MED12L: variants seen among roughly 807,000 people sequenced by gnomAD.
MED12L encodes the protein mediator complex subunit 12L.
Under a neutral mutation model 281.3 loss-of-function variants are expected in MED12L, and 60 were observed. The ratio of observed to expected loss-of-function variants is 0.21; its 90% CI spans 0.17 to 0.26. The LOEUF (loss-of-function observed/expected upper bound fraction) is 0.26, where lower values mean the gene tolerates loss of function less well. MED12L is among the 10% of genes least tolerant of loss of function. The probability of loss-of-function intolerance (pLI) is 1.00; values close to 1 mark genes in which losing one functional copy is unlikely to be tolerated. For synonymous variants in MED12L, 974 were observed against 987.2 expected (o/e 0.99, Z 0.25); for missense variants, 2,146 against 2,680.9 (o/e 0.80, Z 4.41).
intron 43 of MED12L, among the ~76,000 whole-genome samples, chr3:151,427,583 T>A (rs1342642799): frequency 6.6e-6 from 1 of 152,252 alleles, no homozygotes; most frequent in Non-Finnish European, 1.5e-5. Flanking sequence ...GTTGAGTGAA[T>A]AAATGTTGAC....
chr3:151,390,719 A>G (rs1055112117), intron 38 of MED12L, among the ~76,000 whole-genome samples: 3 of 152,216 alleles, frequency 2.0e-5, no homozygotes, highest in African/African-American at 7.2e-5. Flanking sequence ...TAGCATATTT[A>G]AATTATTTGA....
chr3:151,122,527 C>T (rs1275511939), intron 3 of MED12L, among the ~76,000 whole-genome samples: 11 of 152,170 alleles, frequency 7.2e-5, no homozygotes, highest in Admixed American at 7.2e-4. Context: ...TTAATTTCAT[C>T]TTAGCAGAGA....
At position 151,436,517 on chromosome 3, in the gene MED12L, G is replaced by C; in HGVS notation, c.*3713G>C. 1 of 520,126 alleles carries C rather than the reference G, an allele frequency of 1.9e-6. No homozygotes were observed. The allele number at this position is 520,126 out of a possible 1,614,324, so 32.2% of individuals were successfully genotyped here. On this transcript the variant is annotated 3_prime_UTR_variant, in exon 45 of 45. Coordinates refer to ENST00000687756, the MANE Select transcript of MED12L (RefSeq NM_001393769.1). ...GTTTTGAGATCCATTAAATAAATCAGTATCATCAGTTCATAATGCATTTAT... is the reference window on the plus strand; with the variant it reads ...GTTTTGAGATCCATTAAATAAATCACTATCATCAGTTCATAATGCATTTAT...
At position 151,387,922 on chromosome 3, in the gene MED12L, G is replaced by C; in HGVS notation, c.5201G>C (p.Arg1734Thr). Residue 1734 changes from arginine (R) to threonine (T), a missense_variant, in exon 37 of 45, where the codon AGA (arginine) becomes ACA (threonine). Transcript: ENST00000687756. ...AWFGTVRVDR[R>T]VIKYEEQHHL... ...TTTGGGACAGTCCGAGTGGACCGAAGAGTGATCAAGTACGAGGAGCAGCAT... is the reference window on the plus strand; with the variant it reads ...TTTGGGACAGTCCGAGTGGACCGAACAGTGATCAAGTACGAGGAGCAGCAT... 1 of 1,614,062 alleles carries C rather than the reference G, an allele frequency of 6.2e-7. No individual in the cohort carries two copies.
intron 16 of MED12L, chr3:151,219,599 G>A (rs912549386): frequency 2.0e-5 from 3 of 152,136 alleles, no homozygotes; most frequent in African/African-American, 7.2e-5. Context: ...CCCAGTGAGC[G>A]TTTGTCGTCT....
intron 16 of MED12L, chr3:151,328,674 A>G: frequency 6.2e-7 from 1 of 1,613,886 alleles, no homozygotes; most frequent in Non-Finnish European, 8.5e-7. Context: ...ATGCCCACAT[A>G]CATGGTCTCA....
intron 16 of MED12L, chr3:151,328,980 C>T (rs772423641): frequency 2.3e-5 from 37 of 1,605,270 alleles, no homozygotes; most frequent in Non-Finnish European, 4.3e-6. Flanking sequence ...CCTTGCATCA[C>T]TGTGGTGTTC....
chr3:151,365,246 G>A (rs2107914407), intron 22 of MED12L, 40 bp downstream of exon 22: 5 of 1,523,126 alleles, frequency 3.3e-6, no homozygotes, highest in Admixed American at 1.7e-5. Flanking sequence ...TAACCAAAGA[G>A]TTGTTGCCTT....
rs200959282 is a variant in MED12L at position 151,413,204 on chromosome 3, C to G, written c.6206C>G (p.Ser2069Cys). The change falls in exon 42 of 45, where the codon TCT (serine) becomes TGT (cysteine). Residue 2069 changes from serine (S) to cysteine (C), a missense_variant. Transcript: ENST00000687756. ...VGGGIDAVLT[S>C]AHPNLPSVPL... ...GGGGGAATTGATGCTGTGCTGACTT[C>G]TGCACATCCAAACCTTCCCTCCGTG... 6.2e-7 allele frequency: 1 copy of G among 1,614,210 alleles called. No individual in the cohort carries two copies. Among genetic ancestry groups the G allele is most frequent in the East Asian group, 2.2e-5 (1 of 44,880 alleles).
chr3:151,174,753 T>C (rs754260599), intron 11 of MED12L, among the ~76,000 whole-genome samples: 2 of 152,324 alleles, frequency 1.3e-5, no homozygotes, highest in East Asian at 3.9e-4. Flanking sequence ...GGTCTTGCTC[T>C]GTTGCCCAGG....
intron 2 of MED12L, among the ~76,000 whole-genome samples, chr3:151,113,294 GGCTGGTGTGTTT>G (rs1275088948): frequency 6.6e-5 from 10 of 152,194 alleles, no homozygotes; most frequent in Non-Finnish European, 1.2e-4. Flanking sequence ...GAGAATGCTG[GGCTGGTGTGTTT>G]GAGAAATTGC....
chr3:151,234,085 T>A (rs1732257416), intron 16 of MED12L, among the ~76,000 whole-genome samples: 1 of 152,208 alleles, frequency 6.6e-6, no homozygotes, highest in Non-Finnish European at 1.5e-5. Context: ...TTTAGGTGTA[T>A]GCCCTAGAAA....
chr3:151,295,345 G>A, intron 16 of MED12L: 2 of 624,336 alleles, frequency 3.2e-6, no homozygotes, highest in Non-Finnish European at 5.6e-6. Context: ...ACAGAGTCAA[G>A]GTAGCACATT....
At chr3:151,338,095 G>A in intron 16 of MED12L, 1 of 1,613,958 alleles carries the variant, frequency 6.2e-7, no homozygotes, top group Non-Finnish European at 8.5e-7. Context: ...AAATGGAAAG[G>A]AACAAAACAA....
intron 2 of MED12L, among the ~76,000 whole-genome samples, chr3:151,109,040 C>T (rs1358774075): frequency 6.6e-6 from 1 of 151,602 alleles, no homozygotes; most frequent in African/African-American, 2.4e-5. Context: ...TTGGAGGTTA[C>T]CCGAAGTATC....
At chr3:151,263,197 C>G (rs996870847) in intron 16 of MED12L, among the ~76,000 whole-genome samples, 1 of 152,072 alleles carries the variant, frequency 6.6e-6, no homozygotes, top group Non-Finnish European at 1.5e-5. Context: ...TGGCCCAGCA[C>G]CCTTTAGTGA....
chr3:151,322,349 G>A (rs2149827969), intron 16 of MED12L, among the ~76,000 whole-genome samples: 1 of 151,882 alleles, frequency 6.6e-6, no homozygotes, highest in African/African-American at 2.4e-5. Context: ...CCAGGCCCAG[G>A]TAATTTTTTT....
intron 41 of MED12L, among the ~76,000 whole-genome samples, chr3:151,412,172 C>CA (rs567984144): frequency 1.1e-4 from 16 of 152,204 alleles, no homozygotes; most frequent in Non-Finnish European, 2.1e-4. Flanking sequence ...CAGTGGTAGC[C>CA]AAATGTGGCC....
chr3:151,261,404 A>G lies in MED12L; in HGVS notation c.2250+67738A>G, dbSNP rs566952533. ...TAGCCTACCTGGAATTGTGGAGGGT[A>G]AGAGGGATGGTGGCCATGGCTTGCT... On this transcript the variant is annotated intron_variant, in intron 16 of 44. Transcript: ENST00000687756. 10 of 152,260 alleles carry G rather than the reference A, an allele frequency of 6.6e-5. No homozygotes were observed. The East Asian group carries it at 1.9e-3, about 29-fold the overall frequency. The allele number at this position is 152,260 out of a possible 1,614,324, so 9.4% of individuals were successfully genotyped here.
Sources: gnomAD v4.1 joint callset for allele counts (sites outside exome capture counted in the v4.1 genomes callset) on GRCh38, gnomAD v4.1.1 for gene constraint, MANE v1.5 for transcripts, NCBI Gene and HGNC (gene_info 2026-07-23, HGNC 2026-07-21) for gene names.